STYK1: variants seen among roughly 807,000 people sequenced by gnomAD.
STYK1 encodes STY kinase 1, also known as tyrosine-protein kinase STYK1.
Under a neutral mutation model 48.1 loss-of-function variants are expected in STYK1, and 46 were observed. The ratio of observed to expected loss-of-function variants is 0.96; its 90% CI spans 0.75 to 1.22. The LOEUF is 1.22. Among genes scored for constraint, STYK1 ranks in the 50% most tolerant of loss-of-function variants. The pLI is 0.00. For missense variants in STYK1, 527 were observed against 521.1 expected, an observed-to-expected ratio of 1.01 and a Z score of -0.11; for synonymous variants, 188 against 189.0, an observed-to-expected ratio of 0.99 and a Z score of 0.04.
In STYK1 at chr12:10,620,179, C is replaced by T. The variant is rs778653950; in HGVS notation, c.1234G>A (p.Val412Met). Reference protein sequence around the residue: ...ELYAAVAGIRVESLFYNYSML With the variant: ...ELYAAVAGIRMESLFYNYSML Reference sequence around the variant, plus strand: ...CTATAGTTGTAGAAGAGGCTCTCCACTCTGATGCCGGCCACAGCTGCATAC... The same window carrying T: ...CTATAGTTGTAGAAGAGGCTCTCCATTCTGATGCCGGCCACAGCTGCATAC... Residue 412 changes from valine (V) to methionine (M), a missense_variant, in exon 11 of 11, where the codon GTG becomes ATG. Physicochemically the swap from Val to Met is conservative, Grantham distance 21 (BLOSUM62 1). Coordinates refer to ENST00000075503, the MANE Select transcript of STYK1 (RefSeq NM_018423.3). 4.3e-6 allele frequency: 7 copies of T among 1,614,122 alleles called. No individual in the cohort carries two copies. Among genetic ancestry groups the T allele is most frequent in the Non-Finnish European group, 5.9e-6 (7 of 1,180,060 alleles).
chr12:10,667,784 G>A (rs1947848448), intron 1 of STYK1, among the ~76,000 whole-genome samples: 1 of 152,162 alleles, frequency 6.6e-6, no homozygotes, highest in Non-Finnish European at 1.5e-5. Context: ...AGACTGCTGG[G>A]GGCTAAGGAA....
At chr12:10,647,099 C>CT (rs1321600197) in intron 1 of STYK1, among the ~76,000 whole-genome samples, 1 of 152,244 alleles carries the variant, frequency 6.6e-6, no homozygotes, top group Non-Finnish European at 1.5e-5. Flanking sequence ...CACAATGTCC[C>CT]TATTGGGGCA....
In STYK1 at chr12:10,636,830, C is replaced by G. The variant is rs141999992; in HGVS notation, c.-69+241G>C. On this transcript the variant is annotated intron_variant, in intron 2 of 10. Coordinates refer to ENST00000075503, the MANE Select transcript of STYK1 (RefSeq NM_018423.3). ...AGCACAGGTGGAAAAAAGGGTCAGT[C>G]AGCAGCTAGCTCAGACTCATGAGCT... is the stretch of plus-strand genomic sequence containing the variant. Among the ~76,000 whole-genome samples, 772 of 152,266 alleles carry G rather than the reference C, an allele frequency of 5.1e-3. 11 individuals are homozygous for G. The highest frequency in any genetic ancestry group is 0.018 in the African/African-American group (739 of 41,540).
At chr12:10,646,536 G>C (rs1305613082) in intron 1 of STYK1, among the ~76,000 whole-genome samples, 2 of 152,194 alleles carry the variant, frequency 1.3e-5, no homozygotes. Flanking sequence ...AAGGGAAACA[G>C]AGCACAAAAG....
At chr12:10,671,610 C>T (rs766604493) in intron 1 of STYK1, among the ~76,000 whole-genome samples, 2 of 152,142 alleles carry the variant, frequency 1.3e-5, no homozygotes, top group Admixed American at 1.3e-4. Flanking sequence ...ATTTGGAAAC[C>T]TGCCCATCCA....
chr12:10,626,803 G>A (rs1432977263), intron 7 of STYK1, among the ~76,000 whole-genome samples: 4 of 152,022 alleles, frequency 2.6e-5, no homozygotes, highest in East Asian at 1.9e-4. Context: ...TCGGGAGATC[G>A]AGACCATCCT....
chr12:10,634,252 T>C, intron 3 of STYK1, 128 bp from the exon 4 acceptor site: 2 of 1,111,742 alleles, frequency 1.8e-6, no homozygotes, highest in Non-Finnish European at 2.6e-6. Flanking sequence ...CCATCTCCTC[T>C]ACTTCCATTC....
chr12:10,622,055 G>T (rs1000208120), intron 9 of STYK1, 83 bp from the exon 10 acceptor site: 1 of 1,263,646 alleles, frequency 7.9e-7, no homozygotes, highest in Non-Finnish European at 1.1e-6. Flanking sequence ...CACTTGGGTT[G>T]GTTGCTTGCA....
intron 1 of STYK1, among the ~76,000 whole-genome samples, chr12:10,661,808 AT>A (rs1223670368): frequency 1.3e-5 from 2 of 151,644 alleles, no homozygotes; most frequent in East Asian, 3.9e-4. Flanking sequence ...AAAAACTAGT[AT>A]TTTTTTGCAA....
intron 7 of STYK1, among the ~76,000 whole-genome samples, chr12:10,626,963 T>C (rs1477407975): frequency 2.0e-5 from 3 of 152,142 alleles, no homozygotes; most frequent in Non-Finnish European, 4.4e-5. Context: ...GCCGAGATCG[T>C]GCCACTGCAC....
chr12:10,625,415 C>T (rs754839242), intron 7 of STYK1, among the ~76,000 whole-genome samples: 7 of 152,098 alleles, frequency 4.6e-5, no homozygotes, highest in Non-Finnish European at 8.8e-5. Context: ...GACGGGGTTT[C>T]ACCATGTTAG....
At chr12:10,671,847 T>A (rs1055555804) in intron 1 of STYK1, among the ~76,000 whole-genome samples, 3 of 152,024 alleles carry the variant, frequency 2.0e-5, no homozygotes, top group Non-Finnish European at 4.4e-5. Context: ...CAGAGAAAAC[T>A]GAAATACATG....
chr12:10,670,473 C>T (rs983619599), intron 1 of STYK1, among the ~76,000 whole-genome samples: 3 of 151,480 alleles, frequency 2.0e-5, no homozygotes, highest in Non-Finnish European at 4.4e-5. Context: ...AAGCTAGGCA[C>T]GAAAAGAAAA....
intron 6 of STYK1, 134 bp downstream of exon 6, chr12:10,629,359 T>C: frequency 1.1e-6 from 1 of 878,792 alleles, no homozygotes; most frequent in Admixed American, 2.6e-5. Flanking sequence ...TTCTATTATA[T>C]GGTCATACTC....
chr12:10,666,385 T>C lies in STYK1; in HGVS notation c.-195+7581A>G, dbSNP rs150841789. The stretch of plus-strand genomic sequence containing the variant: ...TCACCACTTATTTGGTAGCATAATA[T>C]GAATATAACATAATACTGTCTCCTA... On this transcript the variant is annotated intron_variant, in intron 1 of 10. Transcript: ENST00000075503. Among the ~76,000 whole-genome samples the C allele has an allele frequency of 2.2e-4, 34 of 152,298 alleles. No homozygotes were observed. In the East Asian group the frequency reaches 6.4e-3, roughly 29 times the overall value.
At chr12:10,668,823 T>G (rs919364481) in intron 1 of STYK1, among the ~76,000 whole-genome samples, 1 of 152,158 alleles carries the variant, frequency 6.6e-6, no homozygotes, top group Non-Finnish European at 1.5e-5. Flanking sequence ...GTTTGCCTAT[T>G]ATTATCTGTT....
chr12:10,661,296 C>T (rs1947774359), intron 1 of STYK1, among the ~76,000 whole-genome samples: 1 of 152,084 alleles, frequency 6.6e-6, no homozygotes, highest in Non-Finnish European at 1.5e-5. Context: ...CCATATGTCC[C>T]CTCTAACATA....
intron 1 of STYK1, among the ~76,000 whole-genome samples, chr12:10,660,001 G>T (rs1015295744): frequency 3.3e-5 from 5 of 152,140 alleles, no homozygotes; most frequent in Non-Finnish European, 7.3e-5. Context: ...CAGCTCAGAA[G>T]AAACAAGATG....
At chr12:10,667,767 A>G (rs1473304751) in intron 1 of STYK1, among the ~76,000 whole-genome samples, 1 of 152,196 alleles carries the variant, frequency 6.6e-6, no homozygotes, top group Non-Finnish European at 1.5e-5. Flanking sequence ...AAGCTTGGAT[A>G]CGACTTAGAC....
Sources: allele counts gnomAD v4.1 joint callset (sites outside exome capture counted in the v4.1 genomes callset), GRCh38; gene constraint gnomAD v4.1.1; transcripts MANE v1.5; gene names NCBI Gene and HGNC (gene_info 2026-07-23, HGNC 2026-07-21).